Variants in PRCC observed in about 807,000 individuals in gnomAD.
PRCC encodes proline rich mitotic checkpoint control factor.
PRCC carries 10 observed loss-of-function variants against 44.0 expected under a neutral mutation model. The observed-to-expected ratio is 0.23, with a 90% CI of 0.14 to 0.39. The LOEUF is 0.39. Among genes scored for constraint, PRCC ranks in the 10% least tolerant of loss-of-function variants. The pLI, the probability that PRCC is intolerant of heterozygous loss-of-function variation, is 1.00. For missense variants in PRCC, 573 were observed against 624.7 expected, an observed-to-expected ratio of 0.92 and a Z score of 0.88; for synonymous variants, 278 against 259.5, an observed-to-expected ratio of 1.07 and a Z score of -0.69.
chr1:156,780,717 A>G (rs1429682687), intron 1 of PRCC, among the ~76,000 whole-genome samples: 1 of 151,986 alleles, frequency 6.6e-6, no homozygotes, highest in Non-Finnish European at 1.5e-5. Context: ...CTCTTATCTT[A>G]TACTGCCTTT....
intron 6 of PRCC, 121 bp downstream of exon 6, chr1:156,797,462 A>T: frequency 8.9e-7 from 1 of 1,128,808 alleles, no homozygotes; most frequent in South Asian, 1.3e-5. Context: ...TTTAGCAGGC[A>T]TCCTCTCCTA....
At chr1:156,785,521 A>G (rs1193074068) in intron 2 of PRCC, among the ~76,000 whole-genome samples, 2 of 152,124 alleles carry the variant, frequency 1.3e-5, no homozygotes, top group Middle Eastern at 3.4e-3. Flanking sequence ...CAAAAAAAAA[A>G]AATACCCTTA....
intron 6 of PRCC, among the ~76,000 whole-genome samples, chr1:156,799,725 G>C (rs1290818226): frequency 6.6e-6 from 1 of 152,180 alleles, no homozygotes; most frequent in Non-Finnish European, 1.5e-5. Context: ...AACTTTTGGA[G>C]GGTCTTGAGA....
chr1:156,786,681 G>C lies in PRCC; in HGVS notation c.590G>C (p.Arg197Thr), dbSNP rs1236171270. Reference sequence around the variant, plus strand: ...AACCTGACTGTGAAAGAGACTAACAGGTTGCTCCTGCCCCATGCCTTCTCC... The same window carrying C: ...AACCTGACTGTGAAAGAGACTAACACGTTGCTCCTGCCCCATGCCTTCTCC... ...PKNLTVKETN[R>T]LLLPHAFSRK... Residue 197 changes from arginine (R) to threonine (T), a missense_variant, in exon 3 of 7, where the codon AGG becomes ACG. Coordinates refer to ENST00000271526, the MANE Select transcript of PRCC (RefSeq NM_005973.5). 6.2e-7 allele frequency: 1 copy of C among 1,614,034 alleles called. No individual in the cohort carries two copies. Among genetic ancestry groups the C allele is most frequent in the East Asian group, 2.2e-5 (1 of 44,888 alleles).
chr1:156,771,550 C>T (rs576756981), intron 1 of PRCC, among the ~76,000 whole-genome samples: 55 of 152,310 alleles, frequency 3.6e-4, no homozygotes, highest in Middle Eastern at 3.4e-3. Context: ...GATTGACCCC[C>T]ACTGCATTTG....
At chr1:156,777,897 A>G (rs1317155056) in intron 1 of PRCC, among the ~76,000 whole-genome samples, 1 of 152,178 alleles carries the variant, frequency 6.6e-6, no homozygotes, top group Non-Finnish European at 1.5e-5. Flanking sequence ...AAATACAAAC[A>G]GGAGGTTCTT....
chr1:156,780,631 G>GT (rs1395334260), intron 1 of PRCC, among the ~76,000 whole-genome samples: 1 of 151,734 alleles, frequency 6.6e-6, no homozygotes, highest in Non-Finnish European at 1.5e-5. Flanking sequence ...TATATTTTTA[G>GT]TTTTTTTAAG....
intron 1 of PRCC, among the ~76,000 whole-genome samples, chr1:156,779,120 ATATATATATTTTTTTTTT>A (rs1651941016): frequency 1.0e-4 from 2 of 19,648 alleles, no homozygotes; most frequent in Admixed American, 1.4e-3. Flanking sequence ...ATATATATAT[ATATATATATTTTTTTTTT>A]TTTTTTTTTT....
intron 6 of PRCC, 34 bp downstream of exon 6, chr1:156,797,375 G>A: frequency 1.2e-6 from 2 of 1,612,954 alleles, no homozygotes; most frequent in Non-Finnish European, 1.7e-6. Context: ...GCTCAGGCAG[G>A]ATCTCTGTAA....
chr1:156,775,141 G>A (rs1346907823), intron 1 of PRCC, among the ~76,000 whole-genome samples: 3 of 150,892 alleles, frequency 2.0e-5, no homozygotes, highest in Non-Finnish European at 2.9e-5. Context: ...CCAGCTACTC[G>A]GGAGGCTGAG....
chr1:156,775,344 T>A (rs1475061673), intron 1 of PRCC, among the ~76,000 whole-genome samples: 1 of 151,532 alleles, frequency 6.6e-6, no homozygotes, highest in Admixed American at 6.6e-5. Flanking sequence ...TGCCTCATTT[T>A]TCTTTCTTTT....
chr1:156,784,334 A>G (rs1652157118), intron 2 of PRCC, among the ~76,000 whole-genome samples: 1 of 152,200 alleles, frequency 6.6e-6, no homozygotes, highest in Admixed American at 6.5e-5. Context: ...TGTTACCAGG[A>G]TAGCTTCCTG....
intron 1 of PRCC, among the ~76,000 whole-genome samples, chr1:156,778,344 G>C (rs1007643614): frequency 1.1e-4 from 17 of 152,120 alleles, no homozygotes; most frequent in Admixed American, 2.0e-4. Flanking sequence ...TTCTATCCAT[G>C]CTGCTGCAAA....
chr1:156,793,025 CT>C (rs753190663), intron 4 of PRCC, among the ~76,000 whole-genome samples: 5 of 152,190 alleles, frequency 3.3e-5, no homozygotes, highest in Non-Finnish European at 5.9e-5. Context: ...ACTGTTCTAT[CT>C]GCAGGGAAGT....
chr1:156,786,874 G>A lies in PRCC; in HGVS notation c.783G>A (p.Thr261=), dbSNP rs745484955. The change falls in exon 3 of 7, where the codon ACG becomes ACA. Residue 261 remains threonine, a synonymous_variant. Coordinates refer to ENST00000271526, the MANE Select transcript of PRCC (RefSeq NM_005973.5). ...SAALQVTKQI[T]QEEDDSDEEV... is the part of the protein sequence containing the mutation. The stretch of plus-strand genomic sequence containing the variant: ...CCCTGCAGGTGACAAAGCAGATCAC[G>A]CAGGAAGAAGACGACAGTGATGAGG... 6.8e-6 allele frequency: 11 copies of A among 1,614,088 alleles called. No individual in the cohort carries two copies. The highest frequency in any genetic ancestry group is 9.3e-6 in the Non-Finnish European group (11 of 1,180,042).
At chr1:156,783,981 C>G (rs954702819) in intron 2 of PRCC, among the ~76,000 whole-genome samples, 2 of 150,132 alleles carry the variant, frequency 1.3e-5, no homozygotes, top group South Asian at 2.1e-4. Context: ...GAGTCTCGCT[C>G]TACCGCCCAG....
intron 6 of PRCC, 50 bp downstream of exon 6, chr1:156,797,391 G>A (rs1402596517): frequency 1.2e-6 from 2 of 1,604,386 alleles, no homozygotes; most frequent in African/African-American, 1.3e-5. Flanking sequence ...TGTAAATCTG[G>A]GAATTTGAAG....
At chr1:156,786,509 C>T in intron 2 of PRCC, 99 bp from the exon 3 acceptor site, 1 of 1,255,446 alleles carries the variant, frequency 8.0e-7, no homozygotes, top group South Asian at 1.5e-5. Flanking sequence ...AGATTTTAGG[C>T]TAGAGAACTT....
chr1:156,769,766 A>AT (rs1383395863), intron 1 of PRCC, among the ~76,000 whole-genome samples: 1 of 151,684 alleles, frequency 6.6e-6, no homozygotes, highest in Non-Finnish European at 1.5e-5. Context: ...CGCCTGGCTA[A>AT]TTTTTTTGTG....
Sources: gnomAD v4.1 joint callset for allele counts (sites outside exome capture counted in the v4.1 genomes callset) on GRCh38, gnomAD v4.1.1 for gene constraint, MANE v1.5 for transcripts, NCBI Gene and HGNC (gene_info 2026-07-23, HGNC 2026-07-21) for gene names.